PHACTR4: variants seen among roughly 807,000 people sequenced by gnomAD.
PHACTR4 encodes the protein phosphatase and actin regulator 4, also known as protein phosphatase 1, regulatory subunit 124.
PHACTR4 carries 51 observed loss-of-function variants against 72.7 expected under a neutral mutation model. That is an observed-to-expected ratio of 0.70 (90% CI 0.56 to 0.89). The LOEUF is 0.89. PHACTR4 is among the 40% of genes least tolerant of loss of function. The pLI is 0.00. For synonymous variants in PHACTR4, 255 were observed against 302.5 expected (o/e 0.84, Z 1.63); for missense variants, 731 against 861.8 (o/e 0.85, Z 1.90).
At chr1:28,448,761 C>CAA (rs777343479) in intron 2 of PHACTR4, among the ~76,000 whole-genome samples, 218 of 20,088 alleles carry the variant, frequency 0.011, 2 homozygotes, top group African/African-American at 0.014. Flanking sequence ...GACTCCATCT[C>CAA]AAAAAAAAAA....
chr1:28,438,717 T>TA (rs1656797405), intron 2 of PHACTR4, among the ~76,000 whole-genome samples: 1 of 152,236 alleles, frequency 6.6e-6, no homozygotes, highest in South Asian at 2.1e-4. Context: ...GCTAAGGAAT[T>TA]ATCTGTTAAT....
At chr1:28,398,113 T>C (rs1569822977) in intron 1 of PHACTR4, among the ~76,000 whole-genome samples, 2 of 152,188 alleles carry the variant, frequency 1.3e-5, no homozygotes, top group East Asian at 3.8e-4. Context: ...GAGGAATTGA[T>C]ACATTCGAAG....
chr1:28,436,904 A>T (rs1310980972), intron 2 of PHACTR4, among the ~76,000 whole-genome samples: 3 of 152,186 alleles, frequency 2.0e-5, no homozygotes, highest in Non-Finnish European at 4.4e-5. Context: ...TTTATTCCCC[A>T]AGATCATATG....
At chr1:28,433,750 A>G (rs1372703506) in intron 2 of PHACTR4, among the ~76,000 whole-genome samples, 2 of 150,252 alleles carry the variant, frequency 1.3e-5, no homozygotes, top group Non-Finnish European at 3.0e-5. Context: ...GAGCCACTGC[A>G]CCGGGCCTAG....
intron 2 of PHACTR4, among the ~76,000 whole-genome samples, chr1:28,452,540 C>T (rs934791401): frequency 1.3e-5 from 2 of 150,422 alleles, no homozygotes; most frequent in Non-Finnish European, 3.0e-5. Flanking sequence ...CACAATGGCT[C>T]ATGCCTGTAA....
chr1:28,388,492 T>C (rs1244976289), intron 1 of PHACTR4, among the ~76,000 whole-genome samples: 2 of 152,150 alleles, frequency 1.3e-5, no homozygotes, highest in South Asian at 4.1e-4. Flanking sequence ...CAGTAAATGA[T>C]GTTGGGTAAA....
At chr1:28,441,817 C>A (rs1657055080) in intron 2 of PHACTR4, among the ~76,000 whole-genome samples, 3 of 151,920 alleles carry the variant, frequency 2.0e-5, no homozygotes, top group South Asian at 4.2e-4. Flanking sequence ...CAACATAGGG[C>A]AACACCGTTT....
chr1:28,376,289 G>A (rs898374699), intron 1 of PHACTR4, among the ~76,000 whole-genome samples: 1 of 149,554 alleles, frequency 6.7e-6, no homozygotes, highest in Non-Finnish European at 1.5e-5. Flanking sequence ...CTCCAGCCTG[G>A]GTGACAGAGT....
At chr1:28,473,497 C>T (rs891607747) in intron 6 of PHACTR4, 57 bp from the exon 7 acceptor site, 19 of 1,314,486 alleles carry the variant, frequency 1.4e-5, no homozygotes, top group East Asian at 7.0e-5. Flanking sequence ...GGCCCTGGGC[C>T]GGCCCTTCAA....
chr1:28,473,676 A>G lies in PHACTR4; in HGVS notation c.946A>G (p.Thr316Ala). The change falls in exon 7 of 14, where the codon ACA (threonine) becomes GCA (alanine). Residue 316 changes from threonine to alanine, a missense_variant. By Grantham distance (58) the Thr-to-Ala change is moderately conservative. This residue lies in a region of PHACTR4 where 621 missense variants were observed against 676.6 expected (regional missense o/e 0.92). Transcript: ENST00000373839. ...CTTGGAGTCTGCTGCTGCCATCACC[A>G]CAAAAACACCAAGTGATGAAAGAGA... ...PTLESAAAIT[T>A]KTPSDEREKS... 6.2e-7 allele frequency: 1 copy of G among 1,614,058 alleles called. No individual in the cohort carries two copies. Among genetic ancestry groups the G allele is most frequent in the Non-Finnish European group, 8.5e-7 (1 of 1,180,012 alleles).
At chr1:28,486,403 G>A (rs1660647266) in intron 9 of PHACTR4, among the ~76,000 whole-genome samples, 1 of 152,136 alleles carries the variant, frequency 6.6e-6, no homozygotes, top group South Asian at 2.1e-4. Context: ...GTTCATTCTT[G>A]CAATTGTGAT....
intron 2 of PHACTR4, among the ~76,000 whole-genome samples, chr1:28,426,184 G>A (rs1379282159): frequency 6.6e-6 from 1 of 151,142 alleles, no homozygotes; most frequent in East Asian, 1.9e-4. Flanking sequence ...TCACACCACT[G>A]CATTCCAGTC....
chr1:28,407,285 C>G (rs1654414329), intron 1 of PHACTR4, 125 bp from the exon 2 acceptor site: 2 of 404,430 alleles, frequency 4.9e-6, no homozygotes, highest in African/African-American at 4.3e-5. Context: ...ATAAGTTGTA[C>G]ATTTCTATAA....
At chr1:28,373,044 A>G (rs114805497) in intron 1 of PHACTR4, among the ~76,000 whole-genome samples, 12,649 of 151,866 alleles carry the variant, frequency 0.083, 1,101 homozygotes, top group African/African-American at 0.22. Context: ...TGTAGCCTCA[A>G]CCTCTTGGGC....
intron 2 of PHACTR4, among the ~76,000 whole-genome samples, chr1:28,455,293 A>G (rs1332943008): frequency 7.4e-6 from 1 of 135,456 alleles, no homozygotes; most frequent in African/African-American, 2.9e-5. Flanking sequence ...CCGCCTCCCA[A>G]GTTCAAGATT....
chr1:28,458,858 A>G (rs1658596247), intron 2 of PHACTR4, among the ~76,000 whole-genome samples: 1 of 152,128 alleles, frequency 6.6e-6, no homozygotes, highest in African/African-American at 2.4e-5. Flanking sequence ...TTTGTCCTAA[A>G]ATGATGTCAG....
chr1:28,428,173 C>T (rs963607822), intron 2 of PHACTR4, among the ~76,000 whole-genome samples: 9 of 152,112 alleles, frequency 5.9e-5, no homozygotes, highest in Admixed American at 2.6e-4. Context: ...GTGTCATTTA[C>T]ATCCTCTTCT....
chr1:28,470,326 A>G (rs1659482409), intron 6 of PHACTR4, among the ~76,000 whole-genome samples: 3 of 152,084 alleles, frequency 2.0e-5, no homozygotes, highest in South Asian at 4.2e-4. Flanking sequence ...ACAGGAGTTC[A>G]AGGCTGCAGT....
At chr1:28,413,786 G>A (rs1240592173) in intron 2 of PHACTR4, among the ~76,000 whole-genome samples, 5 of 151,996 alleles carry the variant, frequency 3.3e-5, no homozygotes, top group African/African-American at 1.2e-4. Context: ...TTTCTCTGAT[G>A]TCTAGTAATA....
Sources: gnomAD v4.1 joint callset for allele counts (sites outside exome capture counted in the v4.1 genomes callset) on GRCh38, gnomAD v4.1.1 for gene constraint, gnomAD v4.1.1 regional missense constraint, MANE v1.5 for transcripts, NCBI Gene and HGNC (gene_info 2026-07-23, HGNC 2026-07-21) for gene names.